The following OSBPL9 variants were observed in gnomAD, a reference collection of about 807,000 sequenced individuals.
OSBPL9 encodes oxysterol binding protein like 9, also known as oxysterol-binding protein-related protein 9.
Under a neutral mutation model 106.6 loss-of-function variants are expected in OSBPL9, and 40 were observed. That is an observed-to-expected ratio of 0.38 (90% CI 0.29 to 0.49). OSBPL9 has a LOEUF of 0.49. OSBPL9 is among the 20% of genes least tolerant of loss of function. The pLI, the probability that OSBPL9 is intolerant of heterozygous loss-of-function variation, is 0.97. For missense variants in OSBPL9, 609 were observed against 887.2 expected, an observed-to-expected ratio of 0.69 and a Z score of 3.98; for synonymous variants, 269 against 295.4, an observed-to-expected ratio of 0.91 and a Z score of 0.92.
At chr1:51,723,953 C>T (rs1662623917) in intron 4 of OSBPL9, among the ~76,000 whole-genome samples, 1 of 151,964 alleles carries the variant, frequency 6.6e-6, no homozygotes, top group African/African-American at 2.4e-5. Context: ...TCTCTCAGTC[C>T]TTTATTTTAT....
chr1:51,548,406 T>C, the OSBPL9 span, among the ~76,000 whole-genome samples: 2 of 151,606 alleles, frequency 1.3e-5, no homozygotes, highest in Non-Finnish European at 2.9e-5. Context: ...GCTTGGTTTT[T>C]ATTTTTTTGA....
At chr1:51,554,997 T>C in the OSBPL9 span, among the ~76,000 whole-genome samples, 1 of 152,206 alleles carries the variant, frequency 6.6e-6, no homozygotes, top group African/African-American at 2.4e-5. Context: ...TCCAAAATCC[T>C]GTACTGCCCT....
intron 2 of OSBPL9, among the ~76,000 whole-genome samples, chr1:51,666,587 G>A (rs374818921): frequency 5.3e-5 from 8 of 152,258 alleles, no homozygotes; most frequent in Admixed American, 2.0e-4. Flanking sequence ...TAACACTGCC[G>A]TCAATCTTGT....
chr1:51,770,733 G>C (rs1673686104), intron 12 of OSBPL9, among the ~76,000 whole-genome samples: 1 of 152,028 alleles, frequency 6.6e-6, no homozygotes, highest in South Asian at 2.1e-4. Context: ...AGTTACTCAA[G>C]AAATTTTGAA....
intron 3 of OSBPL9, chr1:51,708,092 T>A (rs1347576634): frequency 4.5e-6 from 1 of 222,084 alleles, no homozygotes. Context: ...GAAGCCCTGG[T>A]GACCAGGTGC....
intron 4 of OSBPL9, chr1:51,730,070 C>A (rs963184829): frequency 7.9e-7 from 1 of 1,272,524 alleles, no homozygotes; most frequent in Non-Finnish European, 1.0e-6. Flanking sequence ...TCCCGGCCGC[C>A]AGGCCGGAGC....
At chr1:51,602,018 C>CTTT (rs758760414) in intron 2 of OSBPL9, among the ~76,000 whole-genome samples, 6 of 76,398 alleles carry the variant, frequency 7.9e-5, no homozygotes, top group South Asian at 5.9e-4. Flanking sequence ...TCTTGGGGTT[C>CTTT]TTTTTTTTTT....
chr1:51,745,961 TTTTG>T (rs774187913), intron 5 of OSBPL9, among the ~76,000 whole-genome samples: 10 of 152,090 alleles, frequency 6.6e-5, no homozygotes, highest in Admixed American at 1.3e-4. Flanking sequence ...CAATTTCTTT[TTTTG>T]TTTGTTTGTT....
chr1:51,647,086 G>T (rs958215213), intron 1 of OSBPL9, among the ~76,000 whole-genome samples: 2 of 152,130 alleles, frequency 1.3e-5, no homozygotes, highest in African/African-American at 4.8e-5. Context: ...TTAACTCAAA[G>T]AAGTTCCCTT....
chr1:51,544,251 C>T, the OSBPL9 span, among the ~76,000 whole-genome samples: 2 of 152,108 alleles, frequency 1.3e-5, no homozygotes, highest in Non-Finnish European at 2.9e-5. Flanking sequence ...ACCCCAGCTA[C>T]TTGGGAGGTT....
chr1:51,745,679 C>T, intron 5 of OSBPL9, 48 bp downstream of exon 5: 1 of 1,426,844 alleles, frequency 7.0e-7, no homozygotes, highest in Non-Finnish European at 9.1e-7. Flanking sequence ...GAAAATGTTA[C>T]TGAGCTTGAT....
At chr1:51,761,821 T>A (rs1671568550) in intron 10 of OSBPL9, 46 bp from the exon 11 acceptor site, 1 of 1,370,630 alleles carries the variant, frequency 7.3e-7, no homozygotes, top group Non-Finnish European at 1.0e-6. Flanking sequence ...ATAGAATGTG[T>A]GTTTGGCTGT....
intron 2 of OSBPL9, among the ~76,000 whole-genome samples, chr1:51,663,435 C>T (rs1306077627): frequency 6.6e-6 from 1 of 152,124 alleles, no homozygotes; most frequent in South Asian, 2.1e-4. Context: ...ATTTGCTTTC[C>T]TCTGCCCCTT....
the OSBPL9 span, among the ~76,000 whole-genome samples, chr1:51,570,173 G>C: frequency 6.6e-6 from 1 of 152,224 alleles, no homozygotes; most frequent in Non-Finnish European, 1.5e-5. Flanking sequence ...GGTAGAAAGA[G>C]CCCCTGCACT....
In OSBPL9 at chr1:51,704,825, G is replaced by T. The variant is rs146640179; in HGVS notation, c.242-9178G>T. Reference sequence around the variant, plus strand: ...TTAGGATTTCAACATAGGAATTTTGGGGCAACACAAACATTCACTCCATGG... The same window carrying T: ...TTAGGATTTCAACATAGGAATTTTGTGGCAACACAAACATTCACTCCATGG... On this transcript the variant is annotated intron_variant, in intron 3 of 23. Coordinates refer to ENST00000428468, the MANE Select transcript of OSBPL9 (RefSeq NM_024586.6). Among the ~76,000 whole-genome samples, 359 of 151,188 alleles carry T rather than the reference G, an allele frequency of 2.4e-3. 1 individual carries two copies. Among genetic ancestry groups the T allele is most frequent in the African/African-American group, 8.3e-3 (344 of 41,372 alleles).
At chr1:51,751,218 G>T (rs1241700859) in intron 8 of OSBPL9, among the ~76,000 whole-genome samples, 3 of 152,020 alleles carry the variant, frequency 2.0e-5, no homozygotes, top group African/African-American at 7.2e-5. Flanking sequence ...CTCCTGAGTA[G>T]CGAGGTTACA....
At chr1:51,638,748 T>A (rs1415134706) in intron 1 of OSBPL9, among the ~76,000 whole-genome samples, 2 of 152,014 alleles carry the variant, frequency 1.3e-5, no homozygotes, top group Non-Finnish European at 2.9e-5. Context: ...GGTGTGCCCC[T>A]GTAGTGAGCT....
At chr1:51,718,485 A>G (rs1434215726) in intron 4 of OSBPL9, among the ~76,000 whole-genome samples, 1 of 152,224 alleles carries the variant, frequency 6.6e-6, no homozygotes, top group African/African-American at 2.4e-5. Context: ...TGTACCCACA[A>G]AAATTTAAAA....
At chr1:51,704,194 T>G (rs1314831416) in intron 3 of OSBPL9, among the ~76,000 whole-genome samples, 2 of 152,208 alleles carry the variant, frequency 1.3e-5, no homozygotes, top group Admixed American at 1.3e-4. Flanking sequence ...TTGATTGGAA[T>G]AGTTTCAGAA....
Sources: allele counts gnomAD v4.1 joint callset (sites outside exome capture counted in the v4.1 genomes callset), GRCh38; gene constraint gnomAD v4.1.1; transcripts MANE v1.5; gene names NCBI Gene and HGNC (gene_info 2026-07-23, HGNC 2026-07-21).